PLCXD3: variants seen among roughly 807,000 people sequenced by gnomAD.
PLCXD3 encodes phosphatidylinositol specific phospholipase C X domain containing 3.
In PLCXD3, 19 loss-of-function variants were observed where a neutral mutation model predicts 25.5. The observed-to-expected ratio is 0.75, with a 90% CI of 0.52 to 1.09. The LOEUF is 1.09. Ranked by LOEUF, PLCXD3 falls within the 50% of genes least tolerant of loss-of-function variation. PLCXD3 has a pLI of 0.00. For synonymous variants in PLCXD3, 174 were observed against 137.6 expected (o/e 1.26, Z -1.85); for missense variants, 411 against 388.1 (o/e 1.06, Z -0.50).
chr5:41,411,448 T>A (rs1214833267), intron 1 of PLCXD3, among the ~76,000 whole-genome samples: 1 of 152,160 alleles, frequency 6.6e-6, no homozygotes, highest in African/African-American at 2.4e-5. Flanking sequence ...AGTCTCCCTT[T>A]CTCTTCCTCT....
rs1554041759 is a variant in PLCXD3 at position 41,312,685 on chromosome 5, T to TTCC, written c.*931_*932insGGA. ...CTTCCTCCCTCCCTTCCTTTCTTCC[T>TTCC]TTCCTTCCTTCCTTCCTTCCTTCCT... is the stretch of plus-strand genomic sequence containing the variant. On this transcript the variant is annotated 3_prime_UTR_variant, in exon 3 of 3. Transcript: ENST00000377801. The TTCC allele has an allele frequency of 2.9e-4, 30 of 104,772 alleles. No individual in the cohort carries two copies. The East Asian group carries it at 6.3e-3, about 22-fold the overall frequency. 6.5% of individuals were successfully genotyped at this position (104,772 alleles called of 1,614,324 possible).
rs534047029 is a variant in PLCXD3 at position 41,483,139 on chromosome 5, T to C, written c.103+27285A>G. Among the ~76,000 whole-genome samples, 14 of 152,284 alleles carry C rather than the reference T, an allele frequency of 9.2e-5. 1 individual carries two copies. Among genetic ancestry groups the C allele is most frequent in the Non-Finnish European group, 1.2e-4 (8 of 68,014 alleles). The stretch of plus-strand genomic sequence containing the variant: ...TACATCACTTAAAGCTTTAAGGATG[T>C]CAATTAAAGTGAACCTGACATGATC... On this transcript the variant is annotated intron_variant, in intron 1 of 2. Transcript: ENST00000377801.
At chr5:41,434,079 C>T (rs1224306700) in intron 1 of PLCXD3, among the ~76,000 whole-genome samples, 1 of 152,170 alleles carries the variant, frequency 6.6e-6, no homozygotes, top group Non-Finnish European at 1.5e-5. Flanking sequence ...AGGGGAAAAG[C>T]AGGAAATGCC....
intron 1 of PLCXD3, among the ~76,000 whole-genome samples, chr5:41,483,357 T>C (rs1020644275): frequency 2.0e-5 from 3 of 152,176 alleles, no homozygotes; most frequent in African/African-American, 7.2e-5. Context: ...TTGGACCGGA[T>C]GCGAAATGAC....
chr5:41,445,781 AT>A (rs1747480379), intron 1 of PLCXD3, among the ~76,000 whole-genome samples: 1 of 152,210 alleles, frequency 6.6e-6, no homozygotes, highest in South Asian at 2.1e-4. Context: ...ATTTAAAAAA[AT>A]ATTTGCCCAG....
chr5:41,356,812 C>T (rs1005176829), intron 2 of PLCXD3, among the ~76,000 whole-genome samples: 1 of 152,150 alleles, frequency 6.6e-6, no homozygotes, highest in African/African-American at 2.4e-5. Flanking sequence ...GTAGGAAAGT[C>T]TCACTGGGTC....
At chr5:41,388,592 C>G (rs1580343361) in intron 1 of PLCXD3, among the ~76,000 whole-genome samples, 1 of 151,972 alleles carries the variant, frequency 6.6e-6, no homozygotes, top group East Asian at 1.9e-4. Context: ...TATCCAAGCA[C>G]TCCCAAAATA....
In PLCXD3 at chr5:41,371,748, T is replaced by C. The variant is rs139763456; in HGVS notation, c.812+10078A>G. 9.3e-4 allele frequency among the ~76,000 whole-genome samples: 141 copies of C among 152,266 alleles called. 1 individual carries two copies. The highest frequency in any genetic ancestry group is 3.0e-3 in the African/African-American group (126 of 41,568). ...AGGACAATCACAAAATATTTATGTC[T>C]CTTCTCTTGGAGCTTTTCAGCTGAA... On this transcript the variant is annotated intron_variant, in intron 2 of 2. Transcript: ENST00000377801.
chr5:41,408,382 C>G (rs1746413235), intron 1 of PLCXD3, among the ~76,000 whole-genome samples: 1 of 152,092 alleles, frequency 6.6e-6, no homozygotes. Context: ...AGTCTCTTTT[C>G]TGACACATAC....
At chr5:41,384,048 A>T (rs780292405) in intron 1 of PLCXD3, among the ~76,000 whole-genome samples, 6 of 152,086 alleles carry the variant, frequency 3.9e-5, no homozygotes, top group Non-Finnish European at 8.8e-5. Context: ...GATACCCTGA[A>T]AATCATAACC....
chr5:41,333,741 C>T (rs768803624), intron 2 of PLCXD3, among the ~76,000 whole-genome samples: 2 of 152,096 alleles, frequency 1.3e-5, no homozygotes, highest in African/African-American at 2.4e-5. Flanking sequence ...CCTGGGATTT[C>T]CTGAATAGGG....
chr5:41,446,197 A>AAAAAAAAAAAAAAAAAAAAAC, intron 1 of PLCXD3, among the ~76,000 whole-genome samples: 2 of 149,394 alleles, frequency 1.3e-5, no homozygotes, highest in Non-Finnish European at 3.0e-5. Flanking sequence ...AAAAAAAAAA[A>AAAAAAAAAAAAAAAAAAAAAC]AAAAGAACAA....
At chr5:41,379,356 G>A (rs1179968094) in intron 2 of PLCXD3, among the ~76,000 whole-genome samples, 2 of 152,088 alleles carry the variant, frequency 1.3e-5, no homozygotes, top group Non-Finnish European at 2.9e-5. Context: ...AACGTTTGTA[G>A]AAAATGGTGC....
intron 1 of PLCXD3, among the ~76,000 whole-genome samples, chr5:41,441,190 G>A (rs1413863733): frequency 3.9e-5 from 6 of 152,144 alleles, no homozygotes; most frequent in African/African-American, 1.4e-4. Flanking sequence ...CAGCAAACCT[G>A]AAAATACAGT....
At chr5:41,318,757 C>T (rs1278080657) in intron 2 of PLCXD3, among the ~76,000 whole-genome samples, 2 of 152,102 alleles carry the variant, frequency 1.3e-5, no homozygotes, top group African/African-American at 2.4e-5. Context: ...TCAATAACAA[C>T]ATTGAATGTA....
chr5:41,386,126 A>G (rs957123873), intron 1 of PLCXD3, among the ~76,000 whole-genome samples: 3 of 152,154 alleles, frequency 2.0e-5, no homozygotes, highest in South Asian at 2.1e-4. Flanking sequence ...CTTGTGGCCA[A>G]TAGACCCAAC....
At chr5:41,408,819 C>A (rs73750162) in intron 1 of PLCXD3, among the ~76,000 whole-genome samples, 4 of 152,086 alleles carry the variant, frequency 2.6e-5, no homozygotes, top group Non-Finnish European at 4.4e-5. Flanking sequence ...ACATTTGTAA[C>A]GATCACCCTT....
In PLCXD3 at chr5:41,392,255, C is replaced by A. The variant is rs975539908; in HGVS notation, c.104-9721G>T. Among the ~76,000 whole-genome samples, 164 of 152,140 alleles carry A rather than the reference C, an allele frequency of 1.1e-3. 1 individual carries two copies. The highest frequency in any genetic ancestry group is 3.9e-3 in the African/African-American group (161 of 41,424). On this transcript the variant is annotated intron_variant, in intron 1 of 2. Transcript: ENST00000377801. Reference sequence around the variant, plus strand: ...AGTGCTTTTCTGACTTCAGGTCTGACCTAGCACAGTCATAATTGTGGTTGC... The same window carrying A: ...AGTGCTTTTCTGACTTCAGGTCTGAACTAGCACAGTCATAATTGTGGTTGC...
intron 2 of PLCXD3, among the ~76,000 whole-genome samples, chr5:41,365,644 T>C (rs1200603808): frequency 6.6e-6 from 1 of 152,050 alleles, no homozygotes; most frequent in African/African-American, 2.4e-5. Flanking sequence ...ACCTGAAGAG[T>C]GCTGGGACAC....
Sources: allele counts gnomAD v4.1 joint callset (sites outside exome capture counted in the v4.1 genomes callset), GRCh38; gene constraint gnomAD v4.1.1; transcripts MANE v1.5; gene names NCBI Gene and HGNC (gene_info 2026-07-23, HGNC 2026-07-21).